The following SPATC1 variants were observed in gnomAD, a reference collection of about 807,000 sequenced individuals.
SPATC1 encodes the protein speriolin.
Under a neutral mutation model 36.5 loss-of-function variants are expected in SPATC1, and 35 were observed. The ratio of observed to expected loss-of-function variants is 0.96; its 90% CI spans 0.73 to 1.27. The LOEUF (loss-of-function observed/expected upper bound fraction) is 1.27, where lower values mean the gene tolerates loss of function less well. SPATC1 is among the 50% of genes most tolerant of loss of function. The pLI is 0.00. For synonymous variants in SPATC1, 361 were observed against 353.6 expected, an observed-to-expected ratio of 1.02 and a Z score of -0.24; for missense variants, 779 against 796.0, an observed-to-expected ratio of 0.98 and a Z score of 0.26.
chr8:144,031,293 T>A (rs1834787341), intron 1 of SPATC1, among the ~76,000 whole-genome samples: 2 of 152,172 alleles, frequency 1.3e-5, no homozygotes, highest in Non-Finnish European at 2.9e-5. Flanking sequence ...GAATATAGAA[T>A]TCTTCTTTGA....
intron 1 of SPATC1, among the ~76,000 whole-genome samples, chr8:144,037,193 T>TG (rs1156243861): frequency 4.6e-5 from 5 of 107,776 alleles, no homozygotes; most frequent in East Asian, 3.1e-4. Flanking sequence ...GGGAGGGAGG[T>TG]GGGGGGGTCA....
intron 1 of SPATC1, among the ~76,000 whole-genome samples, chr8:144,026,571 C>T (rs1369078349): frequency 2.6e-5 from 4 of 152,100 alleles, no homozygotes; most frequent in South Asian, 2.1e-4. Flanking sequence ...CCACCAGAAA[C>T]GTATGAGGGT....
intron 1 of SPATC1, among the ~76,000 whole-genome samples, chr8:144,030,095 A>G (rs918016800): frequency 1.3e-5 from 2 of 152,170 alleles, no homozygotes; most frequent in African/African-American, 4.8e-5. Flanking sequence ...ATTTTGTCCG[A>G]TATCAGTATA....
Position 144,040,471 on chromosome 8 carries a change from G to T in SPATC1, c.766+8G>T. 2 of 1,583,970 alleles carry T rather than the reference G, an allele frequency of 1.3e-6. No homozygotes were observed. The highest frequency in any genetic ancestry group is 1.7e-6 in the Non-Finnish European group (2 of 1,164,900). ...CCACTGCCACCACCAAAGGTAACAG[G>T]TGTGGTGGGTGGTGGGTGGCAGAGT... On this transcript the variant is annotated splice_region_variant and intron_variant, in intron 2 of 4. Coordinates refer to ENST00000377470, the MANE Select transcript of SPATC1 (RefSeq NM_198572.3).
chr8:144,018,522 C>T (rs928179697), intron 1 of SPATC1, among the ~76,000 whole-genome samples: 112 of 151,954 alleles, frequency 7.4e-4, no homozygotes, highest in Non-Finnish European at 1.3e-3. Context: ...TTGGAAAATA[C>T]GCAAGATAAA....
Position 144,012,344 on chromosome 8 carries a change from G to A in SPATC1, c.-172G>A. On this transcript the variant is annotated 5_prime_UTR_variant, in exon 1 of 5. Coordinates refer to ENST00000377470, the MANE Select transcript of SPATC1 (RefSeq NM_198572.3). ...GGCATGGAGAGCTGAGGGTGTTAGA[G>A]CAGAGAGGGCAAGGAAGAGGGCACA... 2 of 618,302 alleles carry A rather than the reference G, an allele frequency of 3.2e-6. No individual in the cohort carries two copies. Among genetic ancestry groups the A allele is most frequent in the South Asian group, 3.9e-5 (2 of 51,284 alleles). The allele number at this position is 618,302 out of a possible 1,614,324, so 38.3% of individuals were successfully genotyped here. A position where few individuals can be genotyped will look rare whatever the true frequency, so the allele number is the denominator to read the frequency against.
At position 144,041,055 on chromosome 8, in the gene SPATC1, G is replaced by A. The variant is rs782636174; in HGVS notation, c.1254G>A (p.Val418=). Residue 418 remains valine (V), a synonymous_variant, in exon 3 of 5, where the codon GTG becomes GTA. Transcript: ENST00000377470. ...TEPSTKSMME[V]ERKLAHRKTS... is the part of the protein sequence containing the mutation. ...CGTCGACGAAGAGCATGATGGAGGTGGAACGGAAGCTGGCCCACCGCAAGA... is the reference window on the plus strand; with the variant it reads ...CGTCGACGAAGAGCATGATGGAGGTAGAACGGAAGCTGGCCCACCGCAAGA... 4 of 1,603,626 alleles carry A rather than the reference G, an allele frequency of 2.5e-6. No individual in the cohort carries two copies. Among genetic ancestry groups the A allele is most frequent in the Non-Finnish European group, 2.6e-6 (3 of 1,175,180 alleles).
intron 1 of SPATC1, among the ~76,000 whole-genome samples, chr8:144,022,782 A>G (rs1834565586): frequency 7.0e-6 from 1 of 143,090 alleles, no homozygotes; most frequent in East Asian, 2.1e-4. Context: ...CTCTTCCCTG[A>G]GGACCCACTT....
At position 144,046,911 on chromosome 8, in the gene SPATC1, C is replaced by T. The variant is rs1391697182; in HGVS notation, c.1731C>T (p.Leu577=). Residue 577 remains leucine (L), a synonymous_variant, in exon 5 of 5, where the codon CTC becomes CTT. Transcript: ENST00000377470. This position sits in a 1 kb window ranked among gnomAD's most constrained non-coding sequence, Gnocchi z 6.6. ...LADALLLLSC[L]SQLAHDDGKP... is the part of the protein sequence containing the mutation. ...ACGCGCTGCTGCTGCTCTCCTGCCT[C>T]AGCCAGCTGGCGCACGATGACGGCA... 6.3e-7 allele frequency: 1 copy of T among 1,598,838 alleles called. No individual in the cohort carries two copies. Among genetic ancestry groups the T allele is most frequent in the African/African-American group, 1.3e-5 (1 of 74,932 alleles).
In SPATC1 at chr8:144,041,429, G is replaced by C. The variant is rs566410761; in HGVS notation, c.1446+58G>C. The C allele has an allele frequency of 3.8e-6, 6 of 1,584,028 alleles. No homozygotes were observed. The East Asian group carries it at 1.3e-4, about 35-fold the overall frequency. ...GCAGGTTGGCCCATGAGGGGCCGTG[G>C]GGACCCTGCACTCTGGCCAGGCCAA... is the stretch of plus-strand genomic sequence containing the variant. On this transcript the variant is annotated intron_variant, in intron 4 of 4. Transcript: ENST00000377470.
intron 4 of SPATC1, among the ~76,000 whole-genome samples, chr8:144,041,606 C>A (rs1554756103): frequency 6.6e-6 from 1 of 152,228 alleles, no homozygotes; most frequent in African/African-American, 2.4e-5. Flanking sequence ...GCGGCTCTCC[C>A]CCTTTGCCAC....
chr8:144,035,614 C>A (rs1005175477), intron 1 of SPATC1, among the ~76,000 whole-genome samples: 4,563 of 152,356 alleles, frequency 0.03, 91 homozygotes, highest in Non-Finnish European at 0.043. Context: ...GAAAAACAGA[C>A]CGGGCCATTT....
chr8:144,034,727 T>A (rs1170730251), intron 1 of SPATC1, among the ~76,000 whole-genome samples: 1 of 151,990 alleles, frequency 6.6e-6, no homozygotes, highest in African/African-American at 2.4e-5. Flanking sequence ...GTTCAAGCGA[T>A]TCTCCTGCCC....
In SPATC1 at chr8:144,029,202, T is replaced by TAAAAA. The variant is rs1165801794; in HGVS notation, c.212-10681_212-10677dup. Reference sequence around the variant, plus strand: ...ACATCCTACACATGTACCCCAGAACTAAAAAAAAAAAAAAAAAAAAAAAAA... The same window carrying TAAAAA: ...ACATCCTACACATGTACCCCAGAACTAAAAAAAAAAAAAAAAAAAAAAAAAAAAAA... On this transcript the variant is annotated intron_variant, in intron 1 of 4. Transcript: ENST00000377470. 6.7e-3 allele frequency among the ~76,000 whole-genome samples: 188 copies of TAAAAA among 28,146 alleles called. 23 individuals carry two copies. Among genetic ancestry groups the TAAAAA allele is most frequent in the African/African-American group, 0.018 (155 of 8,838 alleles). The allele number at this position is 28,146 out of a possible 152,430, so 18.5% of individuals were successfully genotyped here. A position where few individuals can be genotyped will look rare whatever the true frequency, so the allele number is the denominator to read the frequency against.
chr8:144,044,931 A>G (rs782462002), intron 4 of SPATC1, among the ~76,000 whole-genome samples: 6 of 152,204 alleles, frequency 3.9e-5, no homozygotes, highest in Non-Finnish European at 5.9e-5. Flanking sequence ...CCTGGGCAAC[A>G]CAGCGAGACT....
chr8:144,017,968 A>C (rs1834426961), intron 1 of SPATC1, among the ~76,000 whole-genome samples: 1 of 152,194 alleles, frequency 6.6e-6, no homozygotes, highest in Admixed American at 6.5e-5. Flanking sequence ...AGTCAGGTCT[A>C]GAGAGAAAAG....
At chr8:144,037,620 A>G (rs1266662430) in intron 1 of SPATC1, among the ~76,000 whole-genome samples, 2 of 151,978 alleles carry the variant, frequency 1.3e-5, no homozygotes, top group African/African-American at 4.8e-5. Flanking sequence ...ATGCTCGTTA[A>G]GAGTCATCAC....
chr8:144,039,782 C>T (rs997315357), intron 1 of SPATC1, 127 bp from the exon 2 acceptor site: 2 of 1,004,630 alleles, frequency 2.0e-6, no homozygotes, highest in Admixed American at 2.4e-5. Context: ...CAGGTCGGAC[C>T]AGTCAGCTCA....
At chr8:144,042,511 G>A (rs1334662200) in intron 4 of SPATC1, among the ~76,000 whole-genome samples, 5 of 151,088 alleles carry the variant, frequency 3.3e-5, no homozygotes, top group South Asian at 2.1e-4. Flanking sequence ...TAGTAGAGAC[G>A]GGGTTTCTCC....
Sources: gnomAD v4.1 joint callset for allele counts (sites outside exome capture counted in the v4.1 genomes callset) on GRCh38, gnomAD v4.1.1 for gene constraint, Gnocchi (gnomAD v3.1) non-coding constraint, MANE v1.5 for transcripts, NCBI Gene and HGNC (gene_info 2026-07-23, HGNC 2026-07-21) for gene names.